The following CSGALNACT1 variants were observed in gnomAD, a reference collection of about 807,000 sequenced individuals.
CSGALNACT1 encodes the protein chondroitin sulfate N-acetylgalactosaminyltransferase 1, also known as beta4GalNAcT-1.
A neutral mutation model predicts 51.0 loss-of-function variants in CSGALNACT1; 52 were observed. That is an observed-to-expected ratio of 1.02 (90% CI 0.82 to 1.29). The LOEUF is 1.29. Among genes scored for constraint, CSGALNACT1 ranks in the 50% most tolerant of loss-of-function variants. The pLI, the probability that CSGALNACT1 is intolerant of heterozygous loss-of-function variation, is 0.00. For synonymous variants in CSGALNACT1, 341 were observed against 254.4 expected, an observed-to-expected ratio of 1.34 and a Z score of -3.24; for missense variants, 935 against 679.2, an observed-to-expected ratio of 1.38 and a Z score of -4.19.
intron 8 of CSGALNACT1, among the ~76,000 whole-genome samples, chr8:19,413,228 T>C (rs1276718573): frequency 6.6e-6 from 1 of 152,088 alleles, no homozygotes; most frequent in Non-Finnish European, 1.5e-5. Context: ...CAGGAACCTA[T>C]CATCTAAAAC....
intron 1 of CSGALNACT1, among the ~76,000 whole-genome samples, chr8:19,726,265 G>A (rs969583502): frequency 6.6e-6 from 1 of 152,018 alleles, no homozygotes; most frequent in African/African-American, 2.4e-5. Flanking sequence ...TTTGATAAAT[G>A]AAATAGCCCT....
At chr8:19,495,457 T>C (rs1282150998) in intron 4 of CSGALNACT1, among the ~76,000 whole-genome samples, 5 of 152,196 alleles carry the variant, frequency 3.3e-5, no homozygotes, top group Non-Finnish European at 5.9e-5. Context: ...TATGCATTGA[T>C]CCAGGGATGT....
At chr8:19,681,069 T>C (rs2060582423) in intron 1 of CSGALNACT1, among the ~76,000 whole-genome samples, 1 of 151,990 alleles carries the variant, frequency 6.6e-6, no homozygotes, top group South Asian at 2.1e-4. Flanking sequence ...GCATCCAGAT[T>C]TCAGTATCCC....
At chr8:19,537,285 C>G (rs2083972146) in intron 3 of CSGALNACT1, among the ~76,000 whole-genome samples, 1 of 152,162 alleles carries the variant, frequency 6.6e-6, no homozygotes, top group Admixed American at 6.5e-5. Flanking sequence ...CACAATTCAT[C>G]CCCCTCCTAA....
chr8:19,438,337 G>T (rs1439319692), intron 6 of CSGALNACT1, among the ~76,000 whole-genome samples: 2 of 152,168 alleles, frequency 1.3e-5, no homozygotes. Context: ...AATTGACATT[G>T]ACAGAGACGT....
intron 3 of CSGALNACT1, among the ~76,000 whole-genome samples, chr8:19,532,467 G>A (rs1429629443): frequency 6.6e-6 from 1 of 152,078 alleles, no homozygotes; most frequent in Non-Finnish European, 1.5e-5. Context: ...ACATCTCTCT[G>A]CTTTAGGTTC....
chr8:19,405,264 T>C (rs1451397363), exon 10 of CSGALNACT1: 15 of 453,470 alleles, frequency 3.3e-5, no homozygotes, highest in Non-Finnish European at 5.3e-5. Flanking sequence ...TGGTTTCTTT[T>C]CTTTTCTGGT....
At chr8:19,608,156 C>G (rs910126124) in intron 1 of CSGALNACT1, among the ~76,000 whole-genome samples, 1 of 152,164 alleles carries the variant, frequency 6.6e-6, no homozygotes, top group South Asian at 2.1e-4. Context: ...CAGGCACAAC[C>G]CTTCATTCAG....
At chr8:19,553,542 T>C (rs1295784584) in intron 3 of CSGALNACT1, among the ~76,000 whole-genome samples, 2 of 150,118 alleles carry the variant, frequency 1.3e-5, no homozygotes, top group Non-Finnish European at 3.0e-5. Flanking sequence ...ACAATTTATA[T>C]ACAAAAAGCT....
intron 1 of CSGALNACT1, among the ~76,000 whole-genome samples, chr8:19,720,669 C>T (rs1324064809): frequency 6.6e-6 from 1 of 152,138 alleles, no homozygotes; most frequent in Non-Finnish European, 1.5e-5. Context: ...TTCTCTCTCT[C>T]CACCCTCCCT....
chr8:19,516,810 G>A (rs192307591), intron 3 of CSGALNACT1, among the ~76,000 whole-genome samples: 44 of 152,332 alleles, frequency 2.9e-4, no homozygotes, highest in Admixed American at 1.4e-3. Context: ...CCCCCAGGAG[G>A]GGGTGAGATG....
At chr8:19,408,912 A>T (rs2054950433) in intron 8 of CSGALNACT1, among the ~76,000 whole-genome samples, 1 of 145,296 alleles carries the variant, frequency 6.9e-6, no homozygotes, top group Admixed American at 7.0e-5. Flanking sequence ...GATTTTTGGC[A>T]CCTCTGGCTG....
intron 1 of CSGALNACT1, among the ~76,000 whole-genome samples, chr8:19,653,685 T>C (rs188412213): frequency 1.6e-4 from 25 of 152,234 alleles, no homozygotes; most frequent in African/African-American, 5.8e-4. Context: ...TCCCAGCTAC[T>C]TGTGAGGCTG....
chr8:19,559,766 A>G (rs543887813), intron 3 of CSGALNACT1, among the ~76,000 whole-genome samples: 4 of 152,382 alleles, frequency 2.6e-5, no homozygotes, highest in Admixed American at 6.5e-5. Flanking sequence ...GAGGAAGAAA[A>G]CAATAAAACT....
intron 1 of CSGALNACT1, among the ~76,000 whole-genome samples, chr8:19,643,014 C>G (rs1291718072): frequency 6.6e-6 from 1 of 152,010 alleles, no homozygotes; most frequent in Admixed American, 6.5e-5. Flanking sequence ...GACCAACCTT[C>G]TGGATGGGAG....
intron 3 of CSGALNACT1, among the ~76,000 whole-genome samples, chr8:19,554,580 A>T (rs2089216281): frequency 2.0e-5 from 1 of 50,742 alleles, no homozygotes; most frequent in Non-Finnish European, 3.6e-5. Flanking sequence ...CCAGGAAATA[A>T]CTGTAAGCAT....
At chr8:19,618,365 G>T (rs982939048) in intron 1 of CSGALNACT1, among the ~76,000 whole-genome samples, 1 of 151,990 alleles carries the variant, frequency 6.6e-6, no homozygotes, top group Non-Finnish European at 1.5e-5. Context: ...AATTGGCAGG[G>T]CCCAGTGGCT....
At chr8:19,560,732 G>C (rs1219328319) in intron 3 of CSGALNACT1, among the ~76,000 whole-genome samples, 1 of 152,210 alleles carries the variant, frequency 6.6e-6, no homozygotes, top group African/African-American at 2.4e-5. Context: ...TGCTGACAAA[G>C]ATGTAACACC....
At chr8:19,570,864 C>T (rs567544122) in intron 3 of CSGALNACT1, among the ~76,000 whole-genome samples, 10 of 152,264 alleles carry the variant, frequency 6.6e-5, no homozygotes, top group East Asian at 1.9e-4. Context: ...GCCGAGATCA[C>T]GCTATTGCAT....
Sources: gnomAD v4.1 joint callset for allele counts (sites outside exome capture counted in the v4.1 genomes callset) on GRCh38, gnomAD v4.1.1 for gene constraint, MANE v1.5 for transcripts, NCBI Gene and HGNC (gene_info 2026-07-23, HGNC 2026-07-21) for gene names.